The following CAMK2D variants were observed in gnomAD, a reference collection of about 807,000 sequenced individuals.
CAMK2D encodes calcium/calmodulin-dependent protein kinase type II subunit delta.
In CAMK2D, 37 loss-of-function variants were observed where a neutral mutation model predicts 84.0. The observed-to-expected ratio is 0.44, with a 90% CI of 0.34 to 0.58. The LOEUF (loss-of-function observed/expected upper bound fraction) is 0.58. Ranked by LOEUF, CAMK2D falls within the 20% of genes least tolerant of loss-of-function variation. The pLI, the probability that CAMK2D is intolerant of heterozygous loss-of-function variation, is 0.02. For missense variants in CAMK2D, 448 were observed against 652.5 expected (o/e 0.69, Z 3.41); for synonymous variants, 202 against 212.5 (o/e 0.95, Z 0.43).
intron 5 of CAMK2D, chr4:113,548,728 G>T: frequency 6.5e-7 from 1 of 1,531,756 alleles, no homozygotes; most frequent in South Asian, 1.1e-5. Context: ...TGTATACAAT[G>T]ACTGCAAAGA....
At chr4:113,553,941 G>A (rs1303600002) in intron 4 of CAMK2D, among the ~76,000 whole-genome samples, 1 of 152,250 alleles carries the variant, frequency 6.6e-6, no homozygotes, top group East Asian at 1.9e-4. Flanking sequence ...TGTGACTGAT[G>A]TATTATAGAT....
intron 4 of CAMK2D, among the ~76,000 whole-genome samples, chr4:113,556,600 C>T (rs925220841): frequency 6.6e-6 from 1 of 152,130 alleles, no homozygotes; most frequent in Non-Finnish European, 1.5e-5. Flanking sequence ...GCAAGACTGT[C>T]AGCACCAGGC....
At chr4:113,681,079 C>T (rs527488713) in intron 2 of CAMK2D, among the ~76,000 whole-genome samples, 1 of 152,296 alleles carries the variant, frequency 6.6e-6, no homozygotes, top group Admixed American at 6.5e-5. Flanking sequence ...ACTACATTTA[C>T]TGAAGCAAAT....
chr4:113,745,434 T>C (rs1194957704), intron 2 of CAMK2D, among the ~76,000 whole-genome samples: 2 of 152,212 alleles, frequency 1.3e-5, no homozygotes, highest in Non-Finnish European at 2.9e-5. Context: ...GATACATATA[T>C]ATCTTCCCCA....
chr4:113,536,982 GCAT>G (rs1272116421), intron 7 of CAMK2D, among the ~76,000 whole-genome samples: 6 of 151,940 alleles, frequency 3.9e-5, no homozygotes, highest in Non-Finnish European at 8.8e-5. Context: ...GCAGTTTTTG[GCAT>G]CATATGAGGT....
intron 3 of CAMK2D, among the ~76,000 whole-genome samples, chr4:113,640,575 T>C (rs2099128669): frequency 6.6e-6 from 1 of 152,100 alleles, no homozygotes; most frequent in Non-Finnish European, 1.5e-5. Flanking sequence ...ATGGGGAAGG[T>C]ATGGAGCATT....
At chr4:113,650,249 G>A (rs2099167540) in intron 3 of CAMK2D, among the ~76,000 whole-genome samples, 1 of 151,966 alleles carries the variant, frequency 6.6e-6, no homozygotes, top group Non-Finnish European at 1.5e-5. Context: ...GCTGGGTGTG[G>A]TGGCTCATGC....
At chr4:113,678,283 C>G (rs1426685324) in intron 2 of CAMK2D, among the ~76,000 whole-genome samples, 4 of 152,026 alleles carry the variant, frequency 2.6e-5, no homozygotes, top group African/African-American at 9.7e-5. Flanking sequence ...CTGGTGAGAC[C>G]CTGGGCAATG....
intron 2 of CAMK2D, among the ~76,000 whole-genome samples, chr4:113,698,785 T>C (rs2099410267): frequency 6.6e-6 from 1 of 152,102 alleles, no homozygotes; most frequent in Non-Finnish European, 1.5e-5. Flanking sequence ...TTACAGAGTG[T>C]GATCCAATTT....
chr4:113,686,861 TACACAC>T (rs36009295), intron 2 of CAMK2D, among the ~76,000 whole-genome samples: 64 of 148,708 alleles, frequency 4.3e-4, no homozygotes, highest in East Asian at 9.8e-4. Flanking sequence ...GGTATGTGTA[TACACAC>T]ACACACACAC....
intron 3 of CAMK2D, among the ~76,000 whole-genome samples, chr4:113,655,460 T>A (rs1404488692): frequency 6.6e-6 from 1 of 152,062 alleles, no homozygotes; most frequent in Non-Finnish European, 1.5e-5. Flanking sequence ...ATTCAAAAGG[T>A]TACATAGCTC....
rs191432474 is a variant in CAMK2D at position 113,671,534 on chromosome 4, A to G, written c.161-9762T>C. Among the ~76,000 whole-genome samples, 70 of 152,272 alleles carry G rather than the reference A, an allele frequency of 4.6e-4. No homozygotes were observed. The East Asian group carries it at 0.013, about 29-fold the overall frequency. Reference sequence around the variant, plus strand: ...TCCACTCTCCTTTTTCCTCCATCGCACTTCTCTTTGTGTTGGGCGACACTG... The same window carrying G: ...TCCACTCTCCTTTTTCCTCCATCGCGCTTCTCTTTGTGTTGGGCGACACTG... On this transcript the variant is annotated intron_variant, in intron 2 of 20. Transcript: ENST00000511664.
At chr4:113,569,613 G>A (rs1431159371) in intron 4 of CAMK2D, among the ~76,000 whole-genome samples, 5 of 152,116 alleles carry the variant, frequency 3.3e-5, no homozygotes, top group Admixed American at 3.3e-4. Context: ...AGATTTTTAA[G>A]TAATTAACTT....
chr4:113,655,643 G>C (rs2099196510), intron 3 of CAMK2D, among the ~76,000 whole-genome samples: 1 of 152,054 alleles, frequency 6.6e-6, no homozygotes, highest in African/African-American at 2.4e-5. Context: ...TTAGGGAATG[G>C]GACAACCCGG....
intron 11 of CAMK2D, 98 bp from the exon 12 acceptor site, chr4:113,513,468 A>G: frequency 1.2e-5 from 10 of 831,552 alleles, no homozygotes; most frequent in South Asian, 1.4e-5. Flanking sequence ...TCCTGGCCCT[A>G]CTTTCAGTTA....
chr4:113,700,222 T>A (rs2154347524), intron 2 of CAMK2D, among the ~76,000 whole-genome samples: 1 of 152,310 alleles, frequency 6.6e-6, no homozygotes, highest in South Asian at 2.1e-4. Context: ...ATGGGTTATT[T>A]TTAATAAGCT....
chr4:113,604,151 A>G (rs1016847228), intron 4 of CAMK2D, among the ~76,000 whole-genome samples: 4 of 152,146 alleles, frequency 2.6e-5, no homozygotes, highest in African/African-American at 9.7e-5. Flanking sequence ...GAGGAACACA[A>G]GGAACATTCC....
chr4:113,492,660 A>G (rs1171994750), intron 16 of CAMK2D, among the ~76,000 whole-genome samples: 21 of 150,242 alleles, frequency 1.4e-4, no homozygotes, highest in African/African-American at 4.2e-4. Flanking sequence ...TATTAGGTCC[A>G]CTTGGTGCAG....
intron 4 of CAMK2D, among the ~76,000 whole-genome samples, chr4:113,595,488 G>C (rs1475072278): frequency 6.6e-6 from 1 of 151,328 alleles, no homozygotes; most frequent in African/African-American, 2.4e-5. Flanking sequence ...TTATGTATAA[G>C]TGAAATAAAT....
Sources: gnomAD v4.1 joint callset for allele counts (sites outside exome capture counted in the v4.1 genomes callset) on GRCh38, gnomAD v4.1.1 for gene constraint, MANE v1.5 for transcripts, NCBI Gene and HGNC (gene_info 2026-07-23, HGNC 2026-07-21) for gene names.